Variants in LARP1B observed in about 807,000 individuals in gnomAD.
LARP1B encodes the protein La ribonucleoprotein 1B.
In LARP1B, 76 loss-of-function variants were observed where a neutral mutation model predicts 114.2. The observed-to-expected ratio is 0.67, with a 90% CI of 0.55 to 0.81. The LOEUF (loss-of-function observed/expected upper bound fraction) is 0.81. Ranked by LOEUF, LARP1B falls within the 30% of genes least tolerant of loss-of-function variation. LARP1B has a pLI of 0.00. For synonymous variants in LARP1B, 345 were observed against 348.0 expected, an observed-to-expected ratio of 0.99 and a Z score of 0.10; for missense variants, 1,014 against 1,075.8, an observed-to-expected ratio of 0.94 and a Z score of 0.80.
downstream of LARP1B, among the ~76,000 whole-genome samples, chr4:128,213,308 A>G (rs1158311426): frequency 3.9e-5 from 6 of 152,184 alleles, no homozygotes; most frequent in East Asian, 1.2e-3. Flanking sequence ...TCAGGTCACT[A>G]ATGAGCAATA....
chr4:128,098,747 G>GTGTGTGTGTGTATATATATATATATATA, intron 8 of LARP1B, among the ~76,000 whole-genome samples: 1 of 15,594 alleles, frequency 6.4e-5, no homozygotes, highest in Non-Finnish European at 1.3e-4. Context: ...ATATGTATGT[G>GTGTGTGTGTGTATATATATATATATATA]TATATATATA....
chr4:128,220,653 T>G (rs1759945568), intron 7 of LARP1B, among the ~76,000 whole-genome samples: 1 of 152,210 alleles, frequency 6.6e-6, no homozygotes, highest in Non-Finnish European at 1.5e-5. Context: ...TAGTTAAAAA[T>G]GGAAATACTT....
intron 9 of LARP1B, chr4:128,108,991 C>A: frequency 3.9e-6 from 1 of 258,900 alleles, no homozygotes; most frequent in Non-Finnish European, 6.0e-6. Context: ...ATTAAAATGT[C>A]ATAAATTTTA....
At chr4:128,167,398 C>T (rs1048916090) in intron 12 of LARP1B, among the ~76,000 whole-genome samples, 1 of 151,842 alleles carries the variant, frequency 6.6e-6, no homozygotes, top group African/African-American at 2.4e-5. Context: ...GTCTTTTGCC[C>T]ATGTTTTAAT....
intron 9 of LARP1B, chr4:128,107,580 T>C: frequency 7.3e-7 from 1 of 1,375,130 alleles, no homozygotes; most frequent in African/African-American, 1.5e-5. Context: ...TTCTATCTTT[T>C]ATTTTTACTA....
chr4:128,123,403 CT>C, intron 11 of LARP1B: 1 of 956,586 alleles, frequency 1.0e-6, no homozygotes, highest in Non-Finnish European at 1.2e-6. Flanking sequence ...ATCTTAAATC[CT>C]TTTAGAACAG....
chr4:128,176,316 G>A (rs997815328), intron 12 of LARP1B, among the ~76,000 whole-genome samples: 27 of 144,284 alleles, frequency 1.9e-4, no homozygotes, highest in African/African-American at 6.9e-4. Flanking sequence ...TTTTTTAGAT[G>A]AAGTCTTGCT....
chr4:128,213,092 A>ATTT (rs921826060), downstream of LARP1B, among the ~76,000 whole-genome samples: 3 of 151,490 alleles, frequency 2.0e-5, no homozygotes, highest in Admixed American at 6.6e-5. Context: ...CTAATTTTGT[A>ATTT]TTTTTAGTTG....
At chr4:128,163,765 GTTA>G (rs201477688) in intron 12 of LARP1B, among the ~76,000 whole-genome samples, 1,749 of 152,008 alleles carry the variant, frequency 0.012, 33 homozygotes, top group African/African-American at 0.039. Flanking sequence ...TTCTATTACA[GTTA>G]TTATTATTAT....
In LARP1B at chr4:128,199,469, A is replaced by G; in HGVS notation, c.2034A>G (p.Ala678=). The G allele has an allele frequency of 6.4e-7, 1 of 1,568,350 alleles. No homozygotes were observed. Among genetic ancestry groups the G allele is most frequent in the South Asian group, 1.2e-5 (1 of 81,274 alleles). Residue 678 remains alanine, a synonymous_variant, in exon 16 of 20, where the codon GCA becomes GCG. Transcript: ENST00000326639. ...STSNASPSEG[A]PLAGSYGCTP... ...CAAATGCTTCACCTTCAGAAGGCGC[A>G]CCACTAGCAGGAAGTTATGGATGTA... is the stretch of plus-strand genomic sequence containing the variant.
At chr4:128,153,526 G>A (rs546947518) in intron 11 of LARP1B, among the ~76,000 whole-genome samples, 1 of 152,058 alleles carries the variant, frequency 6.6e-6, no homozygotes, top group African/African-American at 2.4e-5. Flanking sequence ...GGCTGGCCTC[G>A]AATTCCTGAC....
At chr4:128,077,381 A>G (rs1158608213) in intron 3 of LARP1B, among the ~76,000 whole-genome samples, 1 of 151,990 alleles carries the variant, frequency 6.6e-6, no homozygotes, top group Non-Finnish European at 1.5e-5. Flanking sequence ...TGTGCCTGTA[A>G]TACCAGCTAC....
intron 11 of LARP1B, among the ~76,000 whole-genome samples, chr4:128,161,455 A>C (rs755673496): frequency 3.3e-5 from 5 of 152,166 alleles, no homozygotes; most frequent in Admixed American, 6.5e-5. Context: ...TGCTGCAGCT[A>C]TCCAGGGCCA....
In LARP1B at chr4:128,121,917, A is replaced by G. The variant is rs780907343; in HGVS notation, c.1253A>G (p.Glu418Gly). 1 of 1,612,608 alleles carries G rather than the reference A, an allele frequency of 6.2e-7. No homozygotes were observed. The highest frequency in any genetic ancestry group is 8.5e-7 in the Non-Finnish European group (1 of 1,179,692). Residue 418 changes from glutamate (E) to glycine (G), a missense_variant, in exon 11 of 20, where the codon GAG becomes GGG. Physicochemically the swap from Glu to Gly is moderately conservative, Grantham distance 98 (BLOSUM62 -2). Coordinates refer to ENST00000326639, the MANE Select transcript of LARP1B (RefSeq NM_018078.4). ...GAACTTGATTTTTTGTTTGATGAAGAGATTGAACAAATAGGACGAAAAAAC... is the reference window on the plus strand; with the variant it reads ...GAACTTGATTTTTTGTTTGATGAAGGGATTGAACAAATAGGACGAAAAAAC... The part of the protein sequence containing the change: ...QEELDFLFDE[E>G]IEQIGRKNTF...
At position 128,179,427 on chromosome 4, in the gene LARP1B, A is replaced by T; in HGVS notation, c.1918A>T (p.Arg640Trp). The T allele has an allele frequency of 6.2e-7, 1 of 1,607,564 alleles. No individual in the cohort carries two copies. Among genetic ancestry groups the T allele is most frequent in the African/African-American group, 1.3e-5 (1 of 74,806 alleles). The change falls in exon 15 of 20, where the codon AGG becomes TGG. Residue 640 changes from arginine to tryptophan, a missense_variant. Physicochemically the swap from Arg to Trp is moderately radical, Grantham distance 101. Coordinates refer to ENST00000326639, the MANE Select transcript of LARP1B (RefSeq NM_018078.4). Reference protein sequence around the residue: ...DVKSPRKRKTRHSTNPPLECH... With the variant: ...DVKSPRKRKTWHSTNPPLECH... The stretch of plus-strand genomic sequence containing the variant: ...TTAGAGTCCAAGAAAGAGAAAAACA[A>T]GGCATAGCACAAATCCCCCTCTAGA...
At position 128,190,686 on chromosome 4, in the gene LARP1B, C is replaced by T. The variant is rs144739184; in HGVS notation, c.2004-8753C>T. Among the ~76,000 whole-genome samples the T allele has an allele frequency of 9.9e-3, 1,514 of 152,206 alleles. 12 individuals are homozygous for T. The highest frequency in any genetic ancestry group is 0.017 in the Non-Finnish European group (1,137 of 68,018). On this transcript the variant is annotated intron_variant, in intron 15 of 19. Coordinates refer to ENST00000326639, the MANE Select transcript of LARP1B (RefSeq NM_018078.4). ...AGGGTGCCTGCTTCCCCTCCCACCA[C>T]GATTGTAAGTTTCCTGAAGCCTCCC...
At chr4:128,214,461 C>G (rs978936425), downstream of LARP1B, among the ~76,000 whole-genome samples, 2 of 151,738 alleles carry the variant, frequency 1.3e-5, no homozygotes, top group Non-Finnish European at 2.9e-5. Flanking sequence ...GATCTGAGAA[C>G]TGGCAGACTG....
intron 9 of LARP1B, among the ~76,000 whole-genome samples, chr4:128,110,062 C>A (rs1213838685): frequency 1.3e-5 from 2 of 152,030 alleles, no homozygotes; most frequent in Admixed American, 1.3e-4. Context: ...TGCCACCACG[C>A]TTGGCTTATT....
At chr4:128,089,047 A>G (rs1393620431) in intron 5 of LARP1B, among the ~76,000 whole-genome samples, 1 of 152,012 alleles carries the variant, frequency 6.6e-6, no homozygotes, top group Non-Finnish European at 1.5e-5. Context: ...GTTCTCAGTG[A>G]GGGTGATTTT....
Sources: gnomAD v4.1 joint callset for allele counts (sites outside exome capture counted in the v4.1 genomes callset) on GRCh38, gnomAD v4.1.1 for gene constraint, MANE v1.5 for transcripts, NCBI Gene and HGNC (gene_info 2026-07-23, HGNC 2026-07-21) for gene names.